The following GH1 variants were observed in gnomAD, a reference collection of about 807,000 sequenced individuals.
The protein encoded by GH1 is growth hormone 1, also known as somatotropin.
GH1 carries 13 observed loss-of-function variants against 24.5 expected under a neutral mutation model. The ratio of observed to expected loss-of-function variants is 0.53; its 90% CI spans 0.35 to 0.85. The LOEUF is 0.85. GH1 is among the 40% of genes least tolerant of loss of function. GH1 has a pLI of 0.01. For synonymous variants in GH1, 126 were observed against 116.3 expected (o/e 1.08, Z -0.54); for missense variants, 294 against 273.2 (o/e 1.08, Z -0.54).
chr17:63,917,933 G>C lies in GH1; in HGVS notation c.292-9C>G. On this transcript the variant is annotated splice_polypyrimidine_tract_variant and intron_variant, in intron 3 of 4. Transcript: ENST00000323322. ...CGGAGCAGCTCTAGGTTCTGCAGGGGAAGGACGGGCATTGGCTGTGCTGCC... is the reference window on the plus strand; with the variant it reads ...CGGAGCAGCTCTAGGTTCTGCAGGGCAAGGACGGGCATTGGCTGTGCTGCC... 1 of 1,614,160 alleles carries C rather than the reference G, an allele frequency of 6.2e-7. No homozygotes were observed. The highest frequency in any genetic ancestry group is 8.5e-7 in the Non-Finnish European group (1 of 1,180,024).
In GH1 at chr17:63,918,373, C is replaced by A; in HGVS notation, c.144G>T (p.Gln48His). The change falls in exon 2 of 5, where the codon CAG becomes CAT. Residue 48 changes from glutamine to histidine, a missense_variant. Gln to His is a conservative substitution (Grantham distance 24). Coordinates refer to ENST00000323322, the MANE Select transcript of GH1 (RefSeq NM_000515.5). Reference sequence around the variant, plus strand: ...ACTCCTGGTAGGTGTCAAAGGCCAGCTGGTGCAGACGATGGGCGCGGAGCA... The same window carrying A: ...ACTCCTGGTAGGTGTCAAAGGCCAGATGGTGCAGACGATGGGCGCGGAGCA... ...NAMLRAHRLH[Q>H]LAFDTYQEFE... 6.2e-7 allele frequency: 1 copy of A among 1,614,196 alleles called. No homozygotes were observed. Among genetic ancestry groups the A allele is most frequent in the Non-Finnish European group, 8.5e-7 (1 of 1,180,028 alleles).
Position 63,918,095 on chromosome 17 carries a change from C to T in GH1, c.213G>A (p.Leu71=), listed in dbSNP as rs766468566. ...AACAGAGGGAGGTCTGGGGGTTCTG[C>T]AGGAATGAATACTTCTGTTCCTTTG... ...YIPKEQKYSF[L]QNPQTSLCFS... is the part of the protein sequence containing the mutation. Residue 71 remains leucine, a synonymous_variant, in exon 3 of 5, where the codon CTG becomes CTA. Coordinates refer to ENST00000323322, the MANE Select transcript of GH1 (RefSeq NM_000515.5). The T allele has an allele frequency of 1.2e-6, 2 of 1,614,138 alleles. No homozygotes were observed. The highest frequency in any genetic ancestry group is 1.7e-5 in the Admixed American group (1 of 60,022).
At chr17:63,918,245 GA>G (rs1907490158) in intron 2 of GH1, 100 bp downstream of exon 2, 1 of 1,611,584 alleles carries the variant, frequency 6.2e-7, no homozygotes, top group Non-Finnish European at 8.5e-7. Flanking sequence ...TTCGCTTCGG[GA>G]AAAACCCTGA....
In GH1 at chr17:63,918,438, A is replaced by C. The variant is rs1423990557; in HGVS notation, c.79T>G (p.Phe27Val). The C allele has an allele frequency of 5.6e-6, 9 of 1,614,094 alleles. No homozygotes were observed. The highest frequency in any genetic ancestry group is 5.9e-6 in the Non-Finnish European group (7 of 1,180,046). The change falls in exon 2 of 5, where the codon TTC becomes GTC. Residue 27 changes from phenylalanine to valine, a missense_variant. Transcript: ENST00000323322. ...CLPWLQEGSA[F>V]PTIPLSRLFD... ...AGCCTGGATAAGGGAATGGTTGGGA[A>C]GGCACTGCCCTCTTGAAGCCAGGGC...
At chr17:63,917,629 G>C (rs1387136126) in intron 4 of GH1, 123 bp from the exon 5 acceptor site, 24 of 1,613,814 alleles carry the variant, frequency 1.5e-5, no homozygotes, top group East Asian at 4.5e-5. Flanking sequence ...ATTCACGAGG[G>C]GAAATGAAGA....
In GH1 at chr17:63,918,761, G is replaced by T. The variant is rs746980835; in HGVS notation, c.10+6C>A. The T allele has an allele frequency of 6.8e-6, 11 of 1,613,924 alleles. No homozygotes were observed. In the South Asian group the frequency reaches 1.2e-4, roughly 18 times the overall value. ...TTGTGCCCAAAGGGATTTTAGGGGC[G>T]CTTACCTGTAGCCATTGCAGCTAGG... On this transcript the variant is annotated splice_donor_region_variant and intron_variant, in intron 1 of 4. Transcript: ENST00000323322.
In GH1 at chr17:63,918,214, G is replaced by A. The variant is rs915771648; in HGVS notation, c.172-78C>T. 59 of 1,612,608 alleles carry A rather than the reference G, an allele frequency of 3.7e-5. No homozygotes were observed. In the Middle Eastern group the frequency reaches 6.6e-4, roughly 18 times the overall value. ...TACTTTTCTGGGAACCTCACTCAGC[G>A]TGTGCTCATCTGCCTGCATTTTCGC... On this transcript the variant is annotated intron_variant, in intron 2 of 4. Coordinates refer to ENST00000323322, the MANE Select transcript of GH1 (RefSeq NM_000515.5).
Position 63,917,330 on chromosome 17 carries a change from C to T in GH1, c.633G>A (p.Val211=), listed in dbSNP as rs1319127988. 2.9e-5 allele frequency: 46 copies of T among 1,613,924 alleles called. No individual in the cohort carries two copies. Among genetic ancestry groups the T allele is most frequent in the Non-Finnish European group, 3.8e-5 (45 of 1,179,946 alleles). The change falls in exon 5 of 5, where the codon GTG becomes GTA. Residue 211 remains valine (V), a synonymous_variant. Transcript: ENST00000323322. ...GCAGCTAGAAGCCACAGCTGCCCTC[C>T]ACAGAGCGGCACTGCACGATGCGCA... The part of the protein sequence containing the change: ...TFLRIVQCRS[V]EGSCGF
At chr17:63,917,638 G>A in intron 4 of GH1, 122 bp downstream of exon 4, 2 of 1,613,964 alleles carry the variant, frequency 1.2e-6, no homozygotes, top group South Asian at 1.1e-5. Context: ...GGGAAATGAA[G>A]AATAAGGTGA....
chr17:63,917,742 C>G lies in GH1; in HGVS notation c.456+18G>C. 4 of 1,614,148 alleles carry G rather than the reference C, an allele frequency of 2.5e-6. No homozygotes were observed. Among genetic ancestry groups the G allele is most frequent in the Non-Finnish European group, 3.4e-6 (4 of 1,180,028 alleles). On this transcript the variant is annotated intron_variant, in intron 4 of 4. Coordinates refer to ENST00000323322, the MANE Select transcript of GH1 (RefSeq NM_000515.5). ...TCAGTGGGGCTCCAGGATTGGGGAC[C>G]CCTGGCGCCACCCTCACCCCCATCA...
At chr17:63,917,536 C>A (rs377532991) in intron 4 of GH1, 30 bp from the exon 5 acceptor site, 1 of 1,613,952 alleles carries the variant, frequency 6.2e-7, no homozygotes, top group Admixed American at 1.7e-5. Context: ...AAGGAGAGGC[C>A]AAGCGCTTGG....
rs1598393881 is a variant in GH1, at chr17:63,917,239, G to A, written c.*70C>T. The A allele has an allele frequency of 6.2e-7, 1 of 1,610,336 alleles. No homozygotes were observed. The highest frequency in any genetic ancestry group is 1.3e-5 in the African/African-American group (1 of 74,934). ...AATTTTATTAGGACAAGGCTGGTGGGCACTGGAGTGGCAACTTCCAGGGCC... is the reference window on the plus strand; with the variant it reads ...AATTTTATTAGGACAAGGCTGGTGGACACTGGAGTGGCAACTTCCAGGGCC... On this transcript the variant is annotated 3_prime_UTR_variant, in exon 5 of 5. Coordinates refer to ENST00000323322, the MANE Select transcript of GH1 (RefSeq NM_000515.5).
At chr17:63,917,594 C>T in intron 4 of GH1, 88 bp from the exon 5 acceptor site, 1 of 1,613,964 alleles carries the variant, frequency 6.2e-7, no homozygotes, top group Non-Finnish European at 8.5e-7. Context: ...CCCTCCCCTT[C>T]AGGGTGTAGA....
chr17:63,918,475 G>A lies in GH1; in HGVS notation c.42C>T (p.Gly14=). Residue 14 remains glycine, a synonymous_variant, in exon 2 of 5, where the codon GGC becomes GGT. Coordinates refer to ENST00000323322, the MANE Select transcript of GH1 (RefSeq NM_000515.5). ...GSRTSLLLAF[G]LLCLPWLQEG... is the part of the protein sequence containing the mutation. Reference sequence around the variant, plus strand: ...CTTGAAGCCAGGGCAGGCAGAGCAGGCCAAAAGCCAGGAGCAGGGACGTCC... The same window carrying A: ...CTTGAAGCCAGGGCAGGCAGAGCAGACCAAAAGCCAGGAGCAGGGACGTCC... 6.2e-7 allele frequency: 1 copy of A among 1,614,192 alleles called. No homozygotes were observed. Among genetic ancestry groups the A allele is most frequent in the African/African-American group, 1.3e-5 (1 of 75,052 alleles).
At chr17:63,918,742 C>T (rs1309297976) in intron 1 of GH1, 25 bp downstream of exon 1, 2 of 1,613,872 alleles carry the variant, frequency 1.2e-6, no homozygotes, top group Non-Finnish European at 1.7e-6. Context: ...CACATTGTGC[C>T]CAAAGGGATT....
Position 63,918,420 on chromosome 17 carries a change from A to T in GH1, c.97T>A (p.Ser33Thr). 1 of 1,614,136 alleles carries T rather than the reference A, an allele frequency of 6.2e-7. No individual in the cohort carries two copies. The highest frequency in any genetic ancestry group is 8.5e-7 in the Non-Finnish European group (1 of 1,180,018). The change falls in exon 2 of 5, where the codon TCC (serine) becomes ACC (threonine). Residue 33 changes from serine to threonine, a missense_variant. Coordinates refer to ENST00000323322, the MANE Select transcript of GH1 (RefSeq NM_000515.5). The stretch of plus-strand genomic sequence containing the variant: ...AGCATAGCGTTGTCAAAAAGCCTGG[A>T]TAAGGGAATGGTTGGGAAGGCACTG... ...EGSAFPTIPL[S>T]RLFDNAMLRA... is the part of the protein sequence containing the mutation.
chr17:63,918,055 G>C lies in GH1; in HGVS notation c.253C>G (p.Pro85Ala). 1 of 1,614,168 alleles carries C rather than the reference G, an allele frequency of 6.2e-7. No individual in the cohort carries two copies. Among genetic ancestry groups the C allele is most frequent in the Non-Finnish European group, 8.5e-7 (1 of 1,180,024 alleles). ...GTTTCCTCCCTGTTGGAGGGTGTCG[G>C]AATAGACTCTGAGAAACAGAGGGAG... is the stretch of plus-strand genomic sequence containing the variant. ...QTSLCFSESI[P>A]TPSNREETQQ... is the part of the protein sequence containing the mutation. Residue 85 changes from proline to alanine, a missense_variant, in exon 3 of 5, where the codon CCG becomes GCG. By Grantham distance (27) the Pro-to-Ala change is conservative. Transcript: ENST00000323322.
At position 63,918,332 on chromosome 17, in the gene GH1, C is replaced by T; in HGVS notation, c.171+14G>A. On this transcript the variant is annotated intron_variant, in intron 2 of 4. Coordinates refer to ENST00000323322, the MANE Select transcript of GH1 (RefSeq NM_000515.5). ...CTGCCACCCCTGATGCGCACCCATTCCCCAAGAGCTTACAAACTCCTGGTA... is the reference window on the plus strand; with the variant it reads ...CTGCCACCCCTGATGCGCACCCATTTCCCAAGAGCTTACAAACTCCTGGTA... The T allele has an allele frequency of 6.2e-7, 1 of 1,614,082 alleles. No individual in the cohort carries two copies. The highest frequency in any genetic ancestry group is 8.5e-7 in the Non-Finnish European group (1 of 1,179,930).
intron 2 of GH1, 94 bp downstream of exon 2, chr17:63,918,248 AAACC>A: frequency 6.2e-7 from 1 of 1,611,504 alleles, no homozygotes; most frequent in East Asian, 2.2e-5. Flanking sequence ...GCTTCGGGAA[AAACC>A]CTGAGCTCCT....
Sources: allele counts gnomAD v4.1 joint callset, GRCh38; gene constraint gnomAD v4.1.1; transcripts MANE v1.5; gene names NCBI Gene and HGNC (gene_info 2026-07-23, HGNC 2026-07-21).